The following PACRG variants were observed in gnomAD, a reference collection of about 807,000 sequenced individuals.
The protein encoded by PACRG is parkin coregulated gene protein.
A neutral mutation model predicts 29.7 loss-of-function variants in PACRG; 29 were observed. The ratio of observed to expected loss-of-function variants is 0.98; its 90% CI spans 0.73 to 1.33. The LOEUF (loss-of-function observed/expected upper bound fraction) is 1.33. PACRG is among the 40% of genes most tolerant of loss of function. PACRG has a pLI of 0.00. For missense variants in PACRG, 279 were observed against 316.2 expected (o/e 0.88, Z 0.89); for synonymous variants, 116 against 118.7 (o/e 0.98, Z 0.15).
chr6:163,200,914 A>T (rs1585327089), intron 4 of PACRG, among the ~76,000 whole-genome samples: 2 of 152,264 alleles, frequency 1.3e-5, no homozygotes, highest in African/African-American at 4.8e-5. Flanking sequence ...TGGGCCCCAG[A>T]ACCCAGGCAC....
chr6:162,895,325 G>T (rs1320913753), intron 2 of PACRG, among the ~76,000 whole-genome samples: 1 of 151,180 alleles, frequency 6.6e-6, no homozygotes, highest in East Asian at 1.9e-4. Flanking sequence ...TATATTTCAG[G>T]TGATAATTCC....
chr6:163,148,925 G>A (rs1777926251), intron 4 of PACRG, among the ~76,000 whole-genome samples: 1 of 136,152 alleles, frequency 7.3e-6, no homozygotes, highest in African/African-American at 2.7e-5. Context: ...CAGTATTCTC[G>A]TGGAAGTGAA....
Position 163,029,493 on chromosome 6 carries a change from T to A in PACRG, c.292-32657T>A, listed in dbSNP as rs149301340. ...GGCCTTACCCAGCACACTTCTCCCT[T>A]TCCTCCAGGGGATAAAGATAGTGTT... On this transcript the variant is annotated intron_variant, in intron 2 of 4. Transcript: ENST00000366888. Among the ~76,000 whole-genome samples the A allele has an allele frequency of 3.9e-4, 60 of 152,260 alleles. No homozygotes were observed. The East Asian group carries it at 0.011, about 29-fold the overall frequency.
chr6:163,134,786 C>T (rs1466923877), intron 4 of PACRG, among the ~76,000 whole-genome samples: 1 of 152,146 alleles, frequency 6.6e-6, no homozygotes, highest in Non-Finnish European at 1.5e-5. Flanking sequence ...ATATTTCAAA[C>T]ATCCAGAAAA....
At chr6:163,181,681 T>A (rs1779677968) in intron 4 of PACRG, among the ~76,000 whole-genome samples, 1 of 151,568 alleles carries the variant, frequency 6.6e-6, no homozygotes, top group African/African-American at 2.4e-5. Context: ...TTTTGTTTTT[T>A]ACAAACCAAA....
In PACRG at chr6:162,834,160, C is replaced by T. The variant is rs567287339; in HGVS notation, c.291+19879C>T. Reference sequence around the variant, plus strand: ...TTTGTATAGATTATTGGCAATATGGCCTCCAAATGTTAAAAAAGAGAAGAA... The same window carrying T: ...TTTGTATAGATTATTGGCAATATGGTCTCCAAATGTTAAAAAAGAGAAGAA... On this transcript the variant is annotated intron_variant, in intron 2 of 4. Coordinates refer to ENST00000366888, the MANE Select transcript of PACRG (RefSeq NM_001080379.2). Among the ~76,000 whole-genome samples the T allele has an allele frequency of 2.6e-4, 39 of 152,030 alleles. 1 individual carries two copies. In the South Asian group the frequency reaches 5.2e-3, roughly 20 times the overall value.
At chr6:163,209,033 G>A (rs187294852) in intron 4 of PACRG, among the ~76,000 whole-genome samples, 2 of 152,272 alleles carry the variant, frequency 1.3e-5, no homozygotes, top group Admixed American at 1.3e-4. Flanking sequence ...AGAAGCACAA[G>A]ACAAAGTAAT....
chr6:163,057,634 C>G (rs1810711977), intron 2 of PACRG, among the ~76,000 whole-genome samples: 1 of 152,110 alleles, frequency 6.6e-6, no homozygotes, highest in Non-Finnish European at 1.5e-5. Context: ...GACTGGTAGG[C>G]TCTTTTTAAG....
intron 1 of PACRG, among the ~76,000 whole-genome samples, chr6:162,787,311 A>G: frequency 6.6e-6 from 1 of 151,878 alleles, no homozygotes. Context: ...AGTATTTTAG[A>G]TTAATACCCT....
At chr6:163,162,908 T>C (rs908699251) in intron 4 of PACRG, among the ~76,000 whole-genome samples, 1 of 146,042 alleles carries the variant, frequency 6.8e-6, no homozygotes, top group Admixed American at 6.7e-5. Context: ...AGTAGGGTTG[T>C]CAAGGGTTGT....
At chr6:163,229,632 CGTGACTTTTTTAA>C in intron 4 of PACRG, among the ~76,000 whole-genome samples, 1 of 152,254 alleles carries the variant, frequency 6.6e-6, no homozygotes, top group Middle Eastern at 3.4e-3. Context: ...TAGTTAGTCT[CGTGACTTTTTTAA>C]GTAGTAATTC....
chr6:163,109,023 T>G (rs1815560236), intron 4 of PACRG, among the ~76,000 whole-genome samples: 1 of 152,208 alleles, frequency 6.6e-6, no homozygotes, highest in Admixed American at 6.5e-5. Context: ...GGCAGAAGAC[T>G]GTGTCAACCC....
At chr6:163,045,022 G>A (rs1341895939) in intron 2 of PACRG, among the ~76,000 whole-genome samples, 1 of 152,174 alleles carries the variant, frequency 6.6e-6, no homozygotes, top group Non-Finnish European at 1.5e-5. Flanking sequence ...AGGTAATTTT[G>A]GTGCCTGGAG....
intron 2 of PACRG, among the ~76,000 whole-genome samples, chr6:162,888,913 G>A (rs1794560504): frequency 6.6e-6 from 1 of 152,158 alleles, no homozygotes; most frequent in Non-Finnish European, 1.5e-5. Flanking sequence ...AATTCACAAG[G>A]AAAGAGAGCA....
At chr6:162,980,171 T>C (rs201370256) in intron 2 of PACRG, among the ~76,000 whole-genome samples, 1 of 150,116 alleles carries the variant, frequency 6.7e-6, no homozygotes, top group Non-Finnish European at 1.5e-5. Flanking sequence ...AACACACACA[T>C]ACACACACAC....
chr6:163,303,544 G>A (rs1231915653), intron 4 of PACRG, among the ~76,000 whole-genome samples: 1 of 152,118 alleles, frequency 6.6e-6, no homozygotes, highest in African/African-American at 2.4e-5. Context: ...CACTCCTGAG[G>A]GCAGCCATCA....
intron 4 of PACRG, among the ~76,000 whole-genome samples, chr6:163,136,674 T>A (rs1816948169): frequency 6.6e-6 from 1 of 152,236 alleles, no homozygotes; most frequent in African/African-American, 2.4e-5. Context: ...CTCTTAAATT[T>A]ATTCATAGTT....
intron 4 of PACRG, among the ~76,000 whole-genome samples, chr6:163,150,676 C>G (rs955289194): frequency 6.6e-6 from 1 of 152,208 alleles, no homozygotes; most frequent in South Asian, 2.1e-4. Context: ...TACCCGTACC[C>G]GGGTCATGAT....
intron 2 of PACRG, among the ~76,000 whole-genome samples, chr6:162,904,435 G>GCT (rs1007566685): frequency 1.3e-5 from 2 of 152,150 alleles, no homozygotes; most frequent in Admixed American, 6.5e-5. Flanking sequence ...AGAGAATGCA[G>GCT]CTGACCTGGG....
Sources: allele counts gnomAD v4.1 joint callset (sites outside exome capture counted in the v4.1 genomes callset), GRCh38; gene constraint gnomAD v4.1.1; transcripts MANE v1.5; gene names NCBI Gene and HGNC (gene_info 2026-07-23, HGNC 2026-07-21).